Variants in CA10 observed in about 807,000 individuals in gnomAD.
The protein encoded by CA10 is carbonic anhydrase-related protein 10.
In CA10, 14 loss-of-function variants were observed where a neutral mutation model predicts 44.2. The observed-to-expected ratio is 0.32, with a 90% confidence interval of 0.21 to 0.50. The LOEUF (loss-of-function observed/expected upper bound fraction) is 0.50. Ranked by LOEUF, CA10 falls within the 20% of genes least tolerant of loss-of-function variation. The pLI, the probability that CA10 is intolerant of heterozygous loss-of-function variation, is 0.99. For synonymous variants in CA10, 159 were observed against 141.6 expected, an observed-to-expected ratio of 1.12 and a Z score of -0.87; for missense variants, 350 against 409.7, an observed-to-expected ratio of 0.85 and a Z score of 1.26.
Position 51,741,851 on chromosome 17 carries a change from G to A in CA10, c.465+5782C>T, listed in dbSNP as rs577431826. ...AAATTCCCATCAACAAAGGACTATG[G>A]TTCCAATAGAAGTGAGATTAAACAG... On this transcript the variant is annotated intron_variant, in intron 4 of 8. Coordinates refer to ENST00000451037, the MANE Select transcript of CA10 (RefSeq NM_020178.5). Among the ~76,000 whole-genome samples the A allele has an allele frequency of 5.3e-5, 8 of 152,316 alleles. No homozygotes were observed. The South Asian group carries it at 1.7e-3, about 32-fold the overall frequency.
At chr17:51,865,558 G>A (rs1446087713) in intron 3 of CA10, among the ~76,000 whole-genome samples, 2 of 152,304 alleles carry the variant, frequency 1.3e-5, no homozygotes, top group Non-Finnish European at 2.9e-5. Context: ...TGGCCTCAGG[G>A]AGCCGGTGGG....
intron 2 of CA10, among the ~76,000 whole-genome samples, chr17:51,955,874 G>T: frequency 6.6e-6 from 1 of 152,050 alleles, no homozygotes; most frequent in East Asian, 1.9e-4. Context: ...AATACCTAAT[G>T]CATGCGGGGC....
chr17:52,053,849 G>A (rs1196581125), intron 2 of CA10, among the ~76,000 whole-genome samples: 2 of 152,036 alleles, frequency 1.3e-5, no homozygotes, highest in Non-Finnish European at 2.9e-5. Flanking sequence ...AACATAAATT[G>A]TGAAGATTTC....
At chr17:51,972,628 A>AC (rs1240475804) in intron 2 of CA10, among the ~76,000 whole-genome samples, 1 of 152,214 alleles carries the variant, frequency 6.6e-6, no homozygotes, top group African/African-American at 2.4e-5. Context: ...GGGTGATCAA[A>AC]AAGAGGCCCT....
chr17:52,059,642 G>A (rs555173206), intron 2 of CA10, among the ~76,000 whole-genome samples: 3 of 151,438 alleles, frequency 2.0e-5, no homozygotes, highest in South Asian at 4.2e-4. Flanking sequence ...TGCACATTGT[G>A]CACATGTACC....
At chr17:51,956,654 CT>C (rs1306234239) in intron 2 of CA10, among the ~76,000 whole-genome samples, 2 of 152,122 alleles carry the variant, frequency 1.3e-5, no homozygotes, top group Non-Finnish European at 2.9e-5. Flanking sequence ...AACTATGAAT[CT>C]TACCCATCCT....
intron 3 of CA10, among the ~76,000 whole-genome samples, chr17:51,780,485 A>G (rs1008561647): frequency 6.6e-6 from 1 of 152,222 alleles, no homozygotes; most frequent in Non-Finnish European, 1.5e-5. Context: ...CAGTATGCTA[A>G]GAAGCAGGGA....
chr17:51,914,964 A>C (rs1417986862), intron 3 of CA10, among the ~76,000 whole-genome samples: 1 of 152,208 alleles, frequency 6.6e-6, no homozygotes, highest in Non-Finnish European at 1.5e-5. Flanking sequence ...TAAGTACTCA[A>C]TATATTTAGT....
At chr17:51,722,302 C>T (rs1233619072) in intron 4 of CA10, among the ~76,000 whole-genome samples, 2 of 152,026 alleles carry the variant, frequency 1.3e-5, no homozygotes, top group African/African-American at 2.4e-5. Context: ...CTCCCTCATG[C>T]CTCCCCAGCC....
intron 3 of CA10, among the ~76,000 whole-genome samples, chr17:51,816,055 T>G (rs1003548632): frequency 2.6e-5 from 4 of 152,248 alleles, no homozygotes; most frequent in African/African-American, 9.6e-5. Context: ...CCATTAACCA[T>G]CTCCACCTCC....
chr17:52,083,083 G>A (rs777030790), intron 1 of CA10, among the ~76,000 whole-genome samples: 26 of 152,198 alleles, frequency 1.7e-4, no homozygotes, highest in Non-Finnish European at 2.6e-4. Context: ...AGAATGCTAG[G>A]AGCATACTAA....
At chr17:52,122,937 G>T (rs1036065645) in intron 1 of CA10, among the ~76,000 whole-genome samples, 2 of 152,104 alleles carry the variant, frequency 1.3e-5, no homozygotes, top group East Asian at 3.8e-4. Context: ...TGTAACCAGG[G>T]CTTGTGTTTT....
intron 4 of CA10, among the ~76,000 whole-genome samples, chr17:51,658,570 T>C (rs1913885848): frequency 6.6e-6 from 1 of 152,034 alleles, no homozygotes; most frequent in Non-Finnish European, 1.5e-5. Flanking sequence ...ACACGGCCAA[T>C]GCAAAGAGCC....
chr17:52,138,145 C>A (rs958466590), intron 1 of CA10, among the ~76,000 whole-genome samples: 4 of 152,144 alleles, frequency 2.6e-5, no homozygotes, highest in African/African-American at 9.7e-5. Flanking sequence ...CTTGTCTTTT[C>A]CAGCTACTGG....
intron 4 of CA10, among the ~76,000 whole-genome samples, chr17:51,738,825 TGGG>T (rs1904347384): frequency 2.0e-5 from 3 of 152,194 alleles, no homozygotes; most frequent in Non-Finnish European, 4.4e-5. Context: ...TTTTGAATCT[TGGG>T]ATTTGACAGA....
At chr17:51,826,530 G>T (rs758123602) in intron 3 of CA10, among the ~76,000 whole-genome samples, 18 of 152,292 alleles carry the variant, frequency 1.2e-4, no homozygotes, top group Non-Finnish European at 2.4e-4. Flanking sequence ...TTTTCCCTGG[G>T]TGGATTTAAT....
At chr17:52,085,576 T>A (rs1055140665) in intron 1 of CA10, among the ~76,000 whole-genome samples, 9 of 152,218 alleles carry the variant, frequency 5.9e-5, no homozygotes, top group Non-Finnish European at 1.0e-4. Flanking sequence ...ACAAACTGTA[T>A]GGTGTGGTTA....
chr17:51,771,831 C>T (rs1905624276), intron 3 of CA10, among the ~76,000 whole-genome samples: 1 of 152,184 alleles, frequency 6.6e-6, no homozygotes, highest in Non-Finnish European at 1.5e-5. Context: ...TGGCTAACAT[C>T]AATATGGCTC....
intron 4 of CA10, among the ~76,000 whole-genome samples, chr17:51,700,785 G>A (rs1915572276): frequency 6.6e-6 from 1 of 152,136 alleles, no homozygotes; most frequent in South Asian, 2.1e-4. Context: ...GATGGAGCTG[G>A]AAGCCATTAT....
Sources: allele counts gnomAD v4.1 joint callset (sites outside exome capture counted in the v4.1 genomes callset), GRCh38; gene constraint gnomAD v4.1.1; transcripts MANE v1.5; gene names NCBI Gene and HGNC (gene_info 2026-07-23, HGNC 2026-07-21).